The following IGF2R variants were observed in gnomAD, a reference collection of about 807,000 sequenced individuals.
The protein encoded by IGF2R is cation-independent mannose-6-phosphate receptor.
A neutral mutation model predicts 270.6 loss-of-function variants in IGF2R; 91 were observed. The ratio of observed to expected loss-of-function variants is 0.34; its 90% CI spans 0.28 to 0.40. The LOEUF (loss-of-function observed/expected upper bound fraction) is 0.40. Among genes scored for constraint, IGF2R ranks in the 10% least tolerant of loss-of-function variants. IGF2R has a pLI of 1.00. For missense variants in IGF2R, 2,805 were observed against 3,188.3 expected (o/e 0.88, Z 2.90); for synonymous variants, 1,316 against 1,258.9 (o/e 1.05, Z -0.96).
At chr6:159,997,227 C>T (rs912885513) in intron 2 of IGF2R, among the ~76,000 whole-genome samples, 4 of 152,290 alleles carry the variant, frequency 2.6e-5, no homozygotes, top group African/African-American at 7.2e-5. Context: ...TCTTTCTTCC[C>T]TTAGGAGCAG....
chr6:160,029,678 A>C (rs1349947539), intron 7 of IGF2R, 23 bp downstream of exon 7: 1 of 1,539,486 alleles, frequency 6.5e-7, no homozygotes, highest in East Asian at 2.2e-5. Flanking sequence ...TCTCCTGATC[A>C]CTAATGTGGC....
chr6:160,081,884 T>G lies in IGF2R; in HGVS notation c.5833+1609T>G, dbSNP rs139243850. Among the ~76,000 whole-genome samples the G allele has an allele frequency of 7.7e-3, 1,169 of 152,330 alleles. 19 individuals carry two copies. The highest frequency in any genetic ancestry group is 0.027 in the African/African-American group (1,119 of 41,564). On this transcript the variant is annotated intron_variant, in intron 39 of 47. Transcript: ENST00000356956. Reference sequence around the variant, plus strand: ...TTGAAAATCACTGTTATCCTGTTCTTAAGGTGCCCAGATTTCATATTGTTC... The same window carrying G: ...TTGAAAATCACTGTTATCCTGTTCTGAAGGTGCCCAGATTTCATATTGTTC...
intron 20 of IGF2R, among the ~76,000 whole-genome samples, chr6:160,057,720 G>T (rs908820179): frequency 2.0e-5 from 3 of 152,202 alleles, no homozygotes; most frequent in Non-Finnish European, 4.4e-5. Flanking sequence ...ACTAATTTAT[G>T]AGTCTTATAT....
At chr6:160,071,257 AGGGCCCAGGAGGC>A (rs1778727465) in intron 31 of IGF2R, among the ~76,000 whole-genome samples, 1 of 93,496 alleles carries the variant, frequency 1.1e-5, no homozygotes, top group African/African-American at 4.3e-5. Flanking sequence ...CCCTGTGCCC[AGGGCCCAGGAGGC>A]TGGGAGGGAA....
At chr6:160,017,358 G>A (rs1020921818) in intron 4 of IGF2R, among the ~76,000 whole-genome samples, 2 of 152,178 alleles carry the variant, frequency 1.3e-5, no homozygotes, top group African/African-American at 4.8e-5. Context: ...TTTGAGAAAC[G>A]TGGGACTACA....
intron 1 of IGF2R, among the ~76,000 whole-genome samples, chr6:159,990,920 G>T (rs966570604): frequency 2.6e-5 from 4 of 152,210 alleles, no homozygotes; most frequent in African/African-American, 9.7e-5. Context: ...GAGCCACCAT[G>T]CCCAGCCAGA....
chr6:159,988,870 T>G (rs1227945049), intron 1 of IGF2R, among the ~76,000 whole-genome samples: 1 of 152,138 alleles, frequency 6.6e-6, no homozygotes, highest in East Asian at 1.9e-4. Flanking sequence ...CCGCAGTAAG[T>G]ACTTAAGAAA....
intron 2 of IGF2R, 30 bp from the exon 3 acceptor site, chr6:160,008,980 G>T: frequency 6.2e-7 from 1 of 1,611,262 alleles, no homozygotes; most frequent in Non-Finnish European, 8.5e-7. Context: ...ATGTTTTATA[G>T]CCTGTTCACT....
chr6:160,016,903 A>G (rs995621319), intron 4 of IGF2R, among the ~76,000 whole-genome samples: 1 of 152,264 alleles, frequency 6.6e-6, no homozygotes, highest in African/African-American at 2.4e-5. Context: ...CAAACCAAAA[A>G]GTGACAGTTT....
chr6:160,032,748 A>G (rs774641814), intron 8 of IGF2R, 35 bp downstream of exon 8: 5 of 1,607,138 alleles, frequency 3.1e-6, no homozygotes, highest in Non-Finnish European at 4.3e-6. Context: ...GGCGCTGCTT[A>G]GGAAGAAGGG....
intron 18 of IGF2R, among the ~76,000 whole-genome samples, chr6:160,049,507 G>A (rs1778146677): frequency 6.6e-6 from 1 of 152,178 alleles, no homozygotes; most frequent in South Asian, 2.1e-4. Flanking sequence ...AAAAGCTCCA[G>A]CCCTGGGGCC....
intron 1 of IGF2R, among the ~76,000 whole-genome samples, chr6:159,973,482 G>C (rs1229865440): frequency 6.6e-6 from 1 of 152,190 alleles, no homozygotes; most frequent in Non-Finnish European, 1.5e-5. Context: ...TTGAGGACAA[G>C]AGAATAATGA....
intron 44 of IGF2R, chr6:160,095,114 A>G (rs1779321895): frequency 6.6e-6 from 1 of 152,104 alleles, no homozygotes; most frequent in African/African-American, 2.4e-5. Context: ...CTGGCCTCTG[A>G]TTCTCAACTT....
rs1240390774 is a variant in IGF2R at position 160,089,195 on chromosome 6, G to A, written c.6409G>A (p.Gly2137Arg). The A allele has an allele frequency of 6.2e-7, 1 of 1,613,856 alleles. No homozygotes were observed. Among genetic ancestry groups the A allele is most frequent in the South Asian group, 1.1e-5 (1 of 91,050 alleles). ...GCCTCAGGAGGTGCAGATGGTGAAT[G>A]GGACCATCACCAACCCTATAAATGG... The part of the protein sequence containing the change: ...VKPQEVQMVN[G>R]TITNPINGKS... The change falls in exon 43 of 48, where the codon GGG (glycine) becomes AGG (arginine). Residue 2137 changes from glycine (G) to arginine (R), a missense_variant. Gly to Arg is a moderately radical substitution (Grantham distance 125, BLOSUM62 -2). This residue lies in a region of IGF2R where 1,851 missense variants were observed against 2,207.2 expected (regional missense o/e 0.84). Coordinates refer to ENST00000356956, the MANE Select transcript of IGF2R (RefSeq NM_000876.4).
rs186319036 is a variant in IGF2R at position 160,031,873 on chromosome 6, G to T, written c.883-678G>T. Among the ~76,000 whole-genome samples, 394 of 152,262 alleles carry T rather than the reference G, an allele frequency of 2.6e-3. 3 individuals are homozygous for T. The highest frequency in any genetic ancestry group is 9.1e-3 in the African/African-American group (380 of 41,532). Reference sequence around the variant, plus strand: ...TCTCCTAAGGGTGATTAAAAAGCTGGCAGTGACATTCCTGGTGAGCAGGGA... The same window carrying T: ...TCTCCTAAGGGTGATTAAAAAGCTGTCAGTGACATTCCTGGTGAGCAGGGA... On this transcript the variant is annotated intron_variant, in intron 7 of 47. Transcript: ENST00000356956.
intron 33 of IGF2R, 27 bp downstream of exon 33, chr6:160,072,911 G>A (rs1778774968): frequency 6.3e-7 from 1 of 1,595,540 alleles, no homozygotes; most frequent in South Asian, 1.1e-5. Context: ...CTCGTGTGTT[G>A]TCTGACTCTC....
Position 160,105,148 on chromosome 6 carries a change from A to T in IGF2R, c.*64A>T. On this transcript the variant is annotated 3_prime_UTR_variant, in exon 48 of 48. Coordinates refer to ENST00000356956, the MANE Select transcript of IGF2R (RefSeq NM_000876.4). Reference sequence around the variant, plus strand: ...AGCCAAGCACCTCCAACCAAATAAGACTTCCACTCGATGATGCTTCTATAA... The same window carrying T: ...AGCCAAGCACCTCCAACCAAATAAGTCTTCCACTCGATGATGCTTCTATAA... 1.5e-6 allele frequency: 2 copies of T among 1,335,750 alleles called. No individual in the cohort carries two copies. The highest frequency in any genetic ancestry group is 2.0e-6 in the Non-Finnish European group (2 of 993,452). 82.7% of individuals were successfully genotyped at this position (1,335,750 alleles called of 1,614,324 possible). A position where few individuals can be genotyped will look rare whatever the true frequency, so the allele number is the denominator to read the frequency against.
chr6:160,008,204 T>C (rs1440519263), intron 2 of IGF2R, among the ~76,000 whole-genome samples: 1 of 152,244 alleles, frequency 6.6e-6, no homozygotes, highest in Non-Finnish European at 1.5e-5. Context: ...AGTTGATTTT[T>C]GTACCCAGTA....
Position 160,104,685 on chromosome 6 carries a change from A to C in IGF2R, c.7077A>C (p.Glu2359Asp), listed in dbSNP as rs1259669938. 1.2e-6 allele frequency: 2 copies of C among 1,612,784 alleles called. No individual in the cohort carries two copies. The highest frequency in any genetic ancestry group is 1.7e-6 in the Non-Finnish European group (2 of 1,179,368). Residue 2359 changes from glutamate (E) to aspartate (D), a missense_variant, in exon 48 of 48, where the codon GAA (glutamate) becomes GAC (aspartate). Glu to Asp is a conservative substitution (Grantham distance 45). Around this residue, in one of 2 missense-constraint regions of IGF2R, gnomAD observed 1,851 missense variants for 2,207.2 expected, o/e 0.84. Transcript: ENST00000356956. ...VSYKYSKVNK[E>D]EETDENETEW... ...TTGATCCCTGGCAGGTGAATAAGGA[A>C]GAAGAGACAGATGAGAATGAAACAG... is the stretch of plus-strand genomic sequence containing the variant.
Sources: allele counts gnomAD v4.1 joint callset (sites outside exome capture counted in the v4.1 genomes callset), GRCh38; gene constraint gnomAD v4.1.1; regional missense constraint gnomAD v4.1.1; transcripts MANE v1.5; gene names NCBI Gene and HGNC (gene_info 2026-07-23, HGNC 2026-07-21).